The following RAB31 variants were observed in gnomAD, a reference collection of about 807,000 sequenced individuals.
RAB31 encodes RAB31, member RAS oncogene family, also known as ras-related protein Rab-31.
RAB31 carries 21 observed loss-of-function variants against 25.6 expected under a neutral mutation model. The observed-to-expected ratio is 0.82, with a 90% confidence interval of 0.58 to 1.18. The LOEUF (loss-of-function observed/expected upper bound fraction) is 1.18, where lower values mean the gene tolerates loss of function less well. Ranked by LOEUF, RAB31 falls within the 50% of genes most tolerant of loss-of-function variation. The pLI is 0.00. For missense variants in RAB31, 196 were observed against 250.1 expected (o/e 0.78, Z 1.46); for synonymous variants, 87 against 84.0 (o/e 1.04, Z -0.20).
At chr18:9,855,657 G>C (rs1455144964) in intron 6 of RAB31, among the ~76,000 whole-genome samples, 2 of 152,076 alleles carry the variant, frequency 1.3e-5, no homozygotes, top group African/African-American at 4.8e-5. Context: ...CCTGGTGCAG[G>C]CTCCCTTCTC....
At chr18:9,798,640 A>G (rs189578861) in intron 3 of RAB31, among the ~76,000 whole-genome samples, 10 of 151,998 alleles carry the variant, frequency 6.6e-5, no homozygotes, top group Admixed American at 5.2e-4. Context: ...TCTTTTTAAG[A>G]CAAGGTCACA....
intron 1 of RAB31, among the ~76,000 whole-genome samples, chr18:9,750,929 G>C (rs2068231724): frequency 6.6e-6 from 1 of 152,146 alleles, no homozygotes; most frequent in Non-Finnish European, 1.5e-5. Flanking sequence ...AACGTGAACA[G>C]ACCAAAGGGT....
chr18:9,762,641 A>G (rs2145484466), intron 1 of RAB31, among the ~76,000 whole-genome samples: 1 of 151,928 alleles, frequency 6.6e-6, no homozygotes, highest in Middle Eastern at 3.4e-3. Flanking sequence ...GTACATCGGG[A>G]CAAACTGCTC....
At chr18:9,767,967 G>C (rs2068324874) in intron 1 of RAB31, among the ~76,000 whole-genome samples, 1 of 152,050 alleles carries the variant, frequency 6.6e-6, no homozygotes, top group Admixed American at 6.6e-5. Flanking sequence ...AGAACATACA[G>C]TGTTTGGTTT....
chr18:9,720,861 C>T (rs749997544), intron 1 of RAB31, among the ~76,000 whole-genome samples: 1 of 151,878 alleles, frequency 6.6e-6, no homozygotes, highest in Non-Finnish European at 1.5e-5. Context: ...ACTCTAGGTC[C>T]GATTATAAAG....
intron 1 of RAB31, among the ~76,000 whole-genome samples, chr18:9,742,457 G>A (rs931045682): frequency 1.4e-4 from 21 of 152,206 alleles, no homozygotes; most frequent in Admixed American, 9.8e-4. Flanking sequence ...AGTTCTCAGC[G>A]CCAGCCTGAG....
intron 5 of RAB31, among the ~76,000 whole-genome samples, chr18:9,833,781 C>G (rs904613850): frequency 6.6e-6 from 1 of 152,148 alleles, no homozygotes; most frequent in African/African-American, 2.4e-5. Flanking sequence ...GATCTATGAG[C>G]TGTTATTAGA....
At chr18:9,835,922 A>G (rs1214482925) in intron 5 of RAB31, among the ~76,000 whole-genome samples, 1 of 152,064 alleles carries the variant, frequency 6.6e-6, no homozygotes, top group African/African-American at 2.4e-5. Context: ...AACTCTGATT[A>G]TTCATTTCAG....
At chr18:9,740,439 C>A (rs543809489) in intron 1 of RAB31, among the ~76,000 whole-genome samples, 2 of 152,162 alleles carry the variant, frequency 1.3e-5, no homozygotes, top group African/African-American at 2.4e-5. Flanking sequence ...TTTGGCTGGA[C>A]GTGGTGGCTC....
At chr18:9,769,787 T>A (rs1396033184) in intron 1 of RAB31, among the ~76,000 whole-genome samples, 1 of 152,232 alleles carries the variant, frequency 6.6e-6, no homozygotes, top group East Asian at 1.9e-4. Context: ...TGCTTCCAGC[T>A]TTTGCCCATT....
At chr18:9,796,732 T>A (rs1372135158) in intron 3 of RAB31, among the ~76,000 whole-genome samples, 1 of 152,112 alleles carries the variant, frequency 6.6e-6, no homozygotes, top group Non-Finnish European at 1.5e-5. Flanking sequence ...TTTGTAAGAA[T>A]CTCTTAACAT....
At chr18:9,742,648 C>A (rs2068185464) in intron 1 of RAB31, among the ~76,000 whole-genome samples, 1 of 152,194 alleles carries the variant, frequency 6.6e-6, no homozygotes, top group Non-Finnish European at 1.5e-5. Context: ...AGGGGGCTGT[C>A]TGATTGCTGG....
At chr18:9,799,477 A>G (rs906914242) in intron 3 of RAB31, among the ~76,000 whole-genome samples, 20 of 152,080 alleles carry the variant, frequency 1.3e-4, no homozygotes, top group African/African-American at 4.3e-4. Flanking sequence ...TTTATATAAG[A>G]GAGTATTCAT....
chr18:9,819,750 A>G (rs959981920), intron 5 of RAB31, among the ~76,000 whole-genome samples: 6 of 151,962 alleles, frequency 3.9e-5, no homozygotes, highest in African/African-American at 1.2e-4. Flanking sequence ...TCTTTTAGCA[A>G]TGTTTTATAG....
intron 5 of RAB31, among the ~76,000 whole-genome samples, chr18:9,837,335 C>A (rs2068710937): frequency 6.6e-6 from 1 of 151,990 alleles, no homozygotes; most frequent in African/African-American, 2.4e-5. Context: ...CAAAATGGAA[C>A]AAGGATTTAA....
In RAB31 at chr18:9,835,638, T is replaced by C. The variant is rs140491176; in HGVS notation, c.381-9944T>C. On this transcript the variant is annotated intron_variant, in intron 5 of 6. Transcript: ENST00000578921. ...GCAGAAATTCTTTGCTGGTACACGG[T>C]TGTCAAGTGCTTTAGCTGTAAGTGC... Among the ~76,000 whole-genome samples the C allele has an allele frequency of 1.4e-4, 21 of 152,332 alleles. No individual in the cohort carries two copies. The East Asian group carries it at 4.0e-3, about 29-fold the overall frequency.
At chr18:9,839,165 G>A (rs1376772445) in intron 5 of RAB31, among the ~76,000 whole-genome samples, 1 of 152,230 alleles carries the variant, frequency 6.6e-6, no homozygotes, top group African/African-American at 2.4e-5. Context: ...AAGAGGGGAA[G>A]AGCATCTAGC....
chr18:9,729,979 A>G (rs2068114583), intron 1 of RAB31, among the ~76,000 whole-genome samples: 1 of 152,178 alleles, frequency 6.6e-6, no homozygotes, highest in African/African-American at 2.4e-5. Context: ...ACATTTGTCT[A>G]TGTGGTAAAT....
chr18:9,839,565 G>A (rs1244544034), intron 5 of RAB31, among the ~76,000 whole-genome samples: 1 of 150,856 alleles, frequency 6.6e-6, no homozygotes, highest in Admixed American at 6.6e-5. Context: ...TGGAAGGAGG[G>A]TAAAGCAGGC....
Sources: gnomAD v4.1 joint callset for allele counts (sites outside exome capture counted in the v4.1 genomes callset) on GRCh38, gnomAD v4.1.1 for gene constraint, MANE v1.5 for transcripts, NCBI Gene and HGNC (gene_info 2026-07-23, HGNC 2026-07-21) for gene names.